The following LRBA variants were observed in gnomAD, a reference collection of about 807,000 sequenced individuals.
The protein encoded by LRBA is lipopolysaccharide-responsive and beige-like anchor protein.
LRBA carries 176 observed loss-of-function variants against 330.0 expected under a neutral mutation model. The ratio of observed to expected loss-of-function variants is 0.53; its 90% CI spans 0.47 to 0.60. LRBA has a LOEUF of 0.60. Ranked by LOEUF, LRBA falls within the 20% of genes least tolerant of loss-of-function variation. The pLI, the probability that LRBA is intolerant of heterozygous loss-of-function variation, is 0.00. For missense variants in LRBA, 3,259 were observed against 3,444.8 expected (o/e 0.95, Z 1.35); for synonymous variants, 1,230 against 1,193.0 (o/e 1.03, Z -0.64).
intron 31 of LRBA, among the ~76,000 whole-genome samples, chr4:150,814,775 C>T (rs1215691272): frequency 5.3e-5 from 8 of 151,838 alleles, no homozygotes; most frequent in Non-Finnish European, 7.4e-5. Flanking sequence ...ACATTATGAG[C>T]TGGATCAATG....
Position 150,326,156 on chromosome 4 carries a change from T to C in LRBA, c.7363-258A>G, listed in dbSNP as rs1179378706. Among the ~76,000 whole-genome samples, 4 of 152,294 alleles carry C rather than the reference T, an allele frequency of 2.6e-5. No individual in the cohort carries two copies. In the South Asian group the frequency reaches 8.3e-4, roughly 32 times the overall value. On this transcript the variant is annotated intron_variant, in intron 48 of 56. Transcript: ENST00000651943. ...GTGATATGAAACAGAAACCAGCTAT[T>C]ACAATCAGAAATTGTCCTTTTTGGC...
chr4:150,513,919 G>C (rs1251157936), intron 40 of LRBA, among the ~76,000 whole-genome samples: 1 of 152,168 alleles, frequency 6.6e-6, no homozygotes, highest in Non-Finnish European at 1.5e-5. Context: ...GGGGATGCGA[G>C]GGAAATAGAC....
rs140295835 is a variant in LRBA at position 150,821,293 on chromosome 4, TTTTC to T, written c.5172-4040_5172-4037del. Among the ~76,000 whole-genome samples the T allele has an allele frequency of 5.8e-3, 886 of 152,212 alleles. 8 individuals are homozygous for T. Among genetic ancestry groups the T allele is most frequent in the African/African-American group, 0.02 (835 of 41,558 alleles). The stretch of plus-strand genomic sequence containing the variant: ...ATAAAAATTGTTCTTATTATCATTT[TTTTC>T]TTTATGAACTCACTATGAATACTTA... On this transcript the variant is annotated intron_variant, in intron 30 of 56. Transcript: ENST00000651943.
intron 40 of LRBA, among the ~76,000 whole-genome samples, chr4:150,519,596 G>C (rs548048389): frequency 2.0e-4 from 30 of 152,158 alleles, no homozygotes; most frequent in East Asian, 9.7e-4. Context: ...TAACATGATT[G>C]GTGTATCTAC....
intron 40 of LRBA, among the ~76,000 whole-genome samples, chr4:150,503,297 AC>A (rs764790919): frequency 2.7e-4 from 41 of 152,010 alleles, no homozygotes; most frequent in Non-Finnish European, 5.0e-4. Context: ...ACTGGGAGGC[AC>A]CCCCCAGTAG....
At chr4:150,786,368 C>T (rs376476363) in intron 34 of LRBA, among the ~76,000 whole-genome samples, 4 of 151,916 alleles carry the variant, frequency 2.6e-5, no homozygotes, top group African/African-American at 7.2e-5. Flanking sequence ...CTCAGCCTCC[C>T]GAGCAGCTGG....
intron 37 of LRBA, among the ~76,000 whole-genome samples, chr4:150,631,704 T>G (rs911066739): frequency 6.6e-6 from 1 of 152,158 alleles, no homozygotes; most frequent in East Asian, 1.9e-4. Flanking sequence ...AGGAGACTGT[T>G]GAATATGAAT....
intron 48 of LRBA, among the ~76,000 whole-genome samples, chr4:150,327,399 A>G (rs576363755): frequency 6.6e-6 from 1 of 152,142 alleles, no homozygotes; most frequent in Admixed American, 6.6e-5. Flanking sequence ...CAGCCTGGAC[A>G]AGAGTGCAGC....
At chr4:150,940,215 G>A (rs1735519703) in intron 2 of LRBA, among the ~76,000 whole-genome samples, 1 of 148,008 alleles carries the variant, frequency 6.8e-6, no homozygotes, top group Non-Finnish European at 1.5e-5. Context: ...ACCAGGCTGG[G>A]CAACATAGCA....
intron 53 of LRBA, among the ~76,000 whole-genome samples, chr4:150,291,906 A>C (rs1198274446): frequency 1.3e-5 from 2 of 152,212 alleles, no homozygotes; most frequent in African/African-American, 4.8e-5. Context: ...AAAAATGATG[A>C]GTTCATGTCC....
intron 46 of LRBA, among the ~76,000 whole-genome samples, chr4:150,434,808 G>C (rs1581300015): frequency 6.6e-6 from 1 of 151,642 alleles, no homozygotes; most frequent in Non-Finnish European, 1.5e-5. Flanking sequence ...AGTGAATTGT[G>C]ATTGTGCCAC....
intron 40 of LRBA, among the ~76,000 whole-genome samples, chr4:150,518,223 A>G (rs558376929): frequency 1.6e-4 from 24 of 152,350 alleles, no homozygotes; most frequent in African/African-American, 5.3e-4. Flanking sequence ...TTACCACATT[A>G]GTGGATCTGA....
chr4:150,433,101 T>C (rs901636780), intron 46 of LRBA, among the ~76,000 whole-genome samples: 2 of 152,234 alleles, frequency 1.3e-5, no homozygotes, highest in African/African-American at 2.4e-5. Context: ...GAAAAAAATT[T>C]TGTGCTTCCA....
rs114742026 is a variant in LRBA, at chr4:150,570,528, C to A, written c.6330+17520G>T. The stretch of plus-strand genomic sequence containing the variant: ...AAAGGTCTTACACTTTAGGGGAAAG[C>A]TGAAGAAATAACACATGTCATCTTC... On this transcript the variant is annotated intron_variant, in intron 40 of 56. Coordinates refer to ENST00000651943, the MANE Select transcript of LRBA (RefSeq NM_001364905.1). Among the ~76,000 whole-genome samples, 1,357 of 152,170 alleles carry A rather than the reference C, an allele frequency of 8.9e-3. 7 individuals carry two copies. Among genetic ancestry groups the A allele is most frequent in the Non-Finnish European group, 0.015 (1,034 of 67,974 alleles).
chr4:150,393,022 AG>A (rs891170735), intron 47 of LRBA, among the ~76,000 whole-genome samples: 1 of 151,796 alleles, frequency 6.6e-6, no homozygotes, highest in Admixed American at 6.6e-5. Context: ...TAAAAAAAAA[AG>A]GGGGGAGAAT....
intron 46 of LRBA, among the ~76,000 whole-genome samples, chr4:150,426,514 A>T (rs986335282): frequency 5.3e-5 from 8 of 152,002 alleles, no homozygotes; most frequent in African/African-American, 1.7e-4. Flanking sequence ...ACTCACCTCA[A>T]TTGCCATTTC....
intron 34 of LRBA, among the ~76,000 whole-genome samples, chr4:150,770,385 C>T (rs1160497794): frequency 6.6e-6 from 1 of 151,914 alleles, no homozygotes; most frequent in Admixed American, 6.6e-5. Flanking sequence ...AAACCCATTC[C>T]CCACCTTAGC....
intron 40 of LRBA, among the ~76,000 whole-genome samples, chr4:150,546,390 T>C (rs1263556626): frequency 6.6e-6 from 1 of 152,234 alleles, no homozygotes; most frequent in Non-Finnish European, 1.5e-5. Flanking sequence ...TTATTAGCGC[T>C]GCCCCTTCTT....
chr4:150,576,338 T>G (rs1292843066), intron 40 of LRBA, among the ~76,000 whole-genome samples: 1 of 151,892 alleles, frequency 6.6e-6, no homozygotes, highest in Non-Finnish European at 1.5e-5. Flanking sequence ...GAGAAAAAGA[T>G]ACACGATTTC....
Sources: allele counts gnomAD v4.1 joint callset (sites outside exome capture counted in the v4.1 genomes callset), GRCh38; gene constraint gnomAD v4.1.1; transcripts MANE v1.5; gene names NCBI Gene and HGNC (gene_info 2026-07-23, HGNC 2026-07-21).